The following ANKRD44 variants were observed in gnomAD, a reference collection of about 807,000 sequenced individuals.
ANKRD44 encodes ankyrin repeat domain 44.
A neutral mutation model predicts 116.0 loss-of-function variants in ANKRD44; 35 were observed. That is an observed-to-expected ratio of 0.30 (90% confidence interval 0.23 to 0.40). ANKRD44 has a LOEUF of 0.40. Ranked by LOEUF, ANKRD44 falls within the 10% of genes least tolerant of loss-of-function variation. The pLI is 1.00. For synonymous variants in ANKRD44, 435 were observed against 461.8 expected, an observed-to-expected ratio of 0.94 and a Z score of 0.74; for missense variants, 1,014 against 1,242.6, an observed-to-expected ratio of 0.82 and a Z score of 2.77.
intron 1 of ANKRD44, among the ~76,000 whole-genome samples, chr2:197,256,254 C>G (rs1528407): frequency 6.6e-6 from 1 of 152,194 alleles, no homozygotes; most frequent in Non-Finnish European, 1.5e-5. Context: ...AGGCTCATTT[C>G]TAAATCACTA....
At chr2:197,209,578 C>G (rs1472093921) in intron 1 of ANKRD44, among the ~76,000 whole-genome samples, 4 of 152,210 alleles carry the variant, frequency 2.6e-5, no homozygotes, top group African/African-American at 9.7e-5. Flanking sequence ...GCAATCATTA[C>G]CAGTCAATAA....
At chr2:197,194,023 A>C (rs186678395) in intron 1 of ANKRD44, among the ~76,000 whole-genome samples, 12 of 152,360 alleles carry the variant, frequency 7.9e-5, no homozygotes, top group Admixed American at 2.0e-4. Context: ...ACCTTCATAG[A>C]CAAGTACCTT....
At chr2:197,015,314 C>A in intron 17 of ANKRD44, 2 of 450,052 alleles carry the variant, frequency 4.4e-6, no homozygotes, top group South Asian at 4.0e-5. Context: ...ATTTGAGAGA[C>A]CATTTTAAAA....
chr2:197,090,982 T>C (rs1052396658), intron 10 of ANKRD44, among the ~76,000 whole-genome samples: 1 of 152,250 alleles, frequency 6.6e-6, no homozygotes. Flanking sequence ...AATTTGTTCA[T>C]GAGACCTCAT....
At chr2:197,027,295 G>A (rs1395114903) in intron 16 of ANKRD44, among the ~76,000 whole-genome samples, 2 of 152,176 alleles carry the variant, frequency 1.3e-5, no homozygotes, top group Non-Finnish European at 2.9e-5. Flanking sequence ...CCGGGAGGTG[G>A]AGGTGGCCGT....
intron 17 of ANKRD44, chr2:197,015,805 T>G: frequency 2.2e-6 from 1 of 455,978 alleles, no homozygotes. Context: ...TGGTGGGGGA[T>G]ATGGTGGTTA....
At chr2:197,148,153 G>A (rs908781900) in intron 2 of ANKRD44, among the ~76,000 whole-genome samples, 1 of 152,144 alleles carries the variant, frequency 6.6e-6, no homozygotes, top group African/African-American at 2.4e-5. Context: ...AAAGCCCTAG[G>A]CAAGCAGGAG....
At chr2:197,031,223 C>T (rs150703311) in intron 16 of ANKRD44, among the ~76,000 whole-genome samples, 1,521 of 151,674 alleles carry the variant, frequency 0.01, 6 homozygotes, top group Middle Eastern at 0.024. Context: ...AAACAAAAAG[C>T]CTAGACATAG....
chr2:197,262,165 GC>G (rs1414197238), intron 1 of ANKRD44, among the ~76,000 whole-genome samples: 1 of 152,200 alleles, frequency 6.6e-6, no homozygotes, highest in African/African-American at 2.4e-5. Flanking sequence ...TGGGCAGAGA[GC>G]AATAAACAAA....
chr2:197,263,260 TA>T, intron 1 of ANKRD44: 1 of 570,078 alleles, frequency 1.8e-6, no homozygotes, highest in South Asian at 1.8e-5. Flanking sequence ...CACGTCCCCT[TA>T]CCTCACTTGT....
intron 1 of ANKRD44, among the ~76,000 whole-genome samples, chr2:197,280,259 A>G (rs963587317): frequency 1.3e-5 from 2 of 152,156 alleles, no homozygotes; most frequent in South Asian, 2.1e-4. Context: ...TAGCATAAAG[A>G]AAAAAGGGGC....
At chr2:197,171,968 CA>C (rs1422624828) in intron 2 of ANKRD44, among the ~76,000 whole-genome samples, 1 of 150,540 alleles carries the variant, frequency 6.6e-6, no homozygotes, top group Non-Finnish European at 1.5e-5. Context: ...AAATTACTCC[CA>C]TTATTATTAC....
intron 16 of ANKRD44, among the ~76,000 whole-genome samples, chr2:197,026,538 A>AG (rs1196099906): frequency 2.0e-5 from 3 of 152,192 alleles, no homozygotes; most frequent in Non-Finnish European, 4.4e-5. Context: ...TAACATCAGG[A>AG]GGCTGGAGCC....
At chr2:197,293,060 A>T (rs1015412386) in intron 1 of ANKRD44, among the ~76,000 whole-genome samples, 2 of 152,208 alleles carry the variant, frequency 1.3e-5, no homozygotes, top group African/African-American at 4.8e-5. Context: ...AACAAATATT[A>T]GCAATATTTT....
At chr2:197,167,280 A>C (rs1445593555) in intron 2 of ANKRD44, among the ~76,000 whole-genome samples, 2 of 152,230 alleles carry the variant, frequency 1.3e-5, no homozygotes, top group African/African-American at 4.8e-5. Flanking sequence ...AACTTCATAT[A>C]CATGCCACTA....
chr2:197,013,722 A>G lies in ANKRD44; in HGVS notation c.1723-10T>C. 1 of 1,612,324 alleles carries G rather than the reference A, an allele frequency of 6.2e-7. No homozygotes were observed. Among genetic ancestry groups the G allele is most frequent in the Non-Finnish European group, 8.5e-7 (1 of 1,179,974 alleles). On this transcript the variant is annotated splice_polypyrimidine_tract_variant and intron_variant, in intron 17 of 27. Transcript: ENST00000282272. Reference sequence around the variant, plus strand: ...GGTGCCCATTGTAGGCCTGCAAAGAAGAAACCAATGGCTCCCATGCTTGCT... The same window carrying G: ...GGTGCCCATTGTAGGCCTGCAAAGAGGAAACCAATGGCTCCCATGCTTGCT...
chr2:196,990,623 A>G (rs2125874846), intron 27 of ANKRD44: 12 of 1,231,846 alleles, frequency 9.7e-6, no homozygotes, highest in Non-Finnish European at 1.2e-5. Flanking sequence ...CTGGAATTCA[A>G]GCTTCTTTCC....
chr2:197,068,881 A>T (rs964193629), intron 16 of ANKRD44, among the ~76,000 whole-genome samples: 24 of 152,326 alleles, frequency 1.6e-4, no homozygotes, highest in African/African-American at 5.1e-4. Flanking sequence ...ATTGTGGAAG[A>T]CAGTGTGGCG....
At chr2:197,233,347 C>T (rs1005364299) in intron 1 of ANKRD44, among the ~76,000 whole-genome samples, 1 of 152,096 alleles carries the variant, frequency 6.6e-6, no homozygotes, top group Non-Finnish European at 1.5e-5. Flanking sequence ...ATCAATGTGC[C>T]TCTCAGATAC....
Sources: gnomAD v4.1 joint callset for allele counts (sites outside exome capture counted in the v4.1 genomes callset) on GRCh38, gnomAD v4.1.1 for gene constraint, MANE v1.5 for transcripts, NCBI Gene and HGNC (gene_info 2026-07-23, HGNC 2026-07-21) for gene names.